The following DNAJC11 variants were observed in gnomAD, a reference collection of about 807,000 sequenced individuals.
DNAJC11 encodes the protein dnaJ homolog subfamily C member 11.
In DNAJC11, 15 loss-of-function variants were observed where a neutral mutation model predicts 78.6. The observed-to-expected ratio is 0.19, with a 90% confidence interval of 0.13 to 0.29. The LOEUF is 0.29. Ranked by LOEUF, DNAJC11 falls within the 10% of genes least tolerant of loss-of-function variation. DNAJC11 has a pLI of 1.00. For synonymous variants in DNAJC11, 292 were observed against 272.1 expected (o/e 1.07, Z -0.72); for missense variants, 547 against 709.6 (o/e 0.77, Z 2.60).
chr1:6,643,277 ATTTTTTTT>A (rs60341247), intron 10 of DNAJC11, among the ~76,000 whole-genome samples: 1 of 138,226 alleles, frequency 7.2e-6, no homozygotes, highest in Non-Finnish European at 1.6e-5. Context: ...GAAAACAGAC[ATTTTTTTT>A]TTTTTTTTTG....
chr1:6,661,426 A>AG (rs1197271851), intron 4 of DNAJC11, among the ~76,000 whole-genome samples: 2 of 152,296 alleles, frequency 1.3e-5, no homozygotes, highest in East Asian at 3.9e-4. Flanking sequence ...TGCTGACATG[A>AG]GGGGGTGAAA....
rs1641707116 is a variant in DNAJC11, at chr1:6,634,171, G to C, written c.*1504C>G. The C allele has an allele frequency of 4.5e-6, 6 of 1,321,240 alleles. No individual in the cohort carries two copies. Among genetic ancestry groups the C allele is most frequent in the Non-Finnish European group, 6.4e-6 (6 of 931,348 alleles). 81.8% of individuals were successfully genotyped at this position (1,321,240 alleles called of 1,614,324 possible). A position where few individuals can be genotyped will look rare whatever the true frequency, so the allele number is the denominator to read the frequency against. The stretch of plus-strand genomic sequence containing the variant: ...AATACACGGAAGAGCGCCAGCCTCT[G>C]CTTTCAGGAAAGGTTTATTGTGGTG... On this transcript the variant is annotated 3_prime_UTR_variant, in exon 16 of 16. Coordinates refer to ENST00000377577, the MANE Select transcript of DNAJC11 (RefSeq NM_018198.4).
At chr1:6,699,319 T>G (rs1393029784) in intron 1 of DNAJC11, among the ~76,000 whole-genome samples, 1 of 152,090 alleles carries the variant, frequency 6.6e-6, no homozygotes, top group Non-Finnish European at 1.5e-5. Context: ...CAAAATTTCT[T>G]TGGCTCCCAT....
At chr1:6,665,665 T>A (rs1200727450) in intron 4 of DNAJC11, among the ~76,000 whole-genome samples, 1 of 152,188 alleles carries the variant, frequency 6.6e-6, no homozygotes, top group African/African-American at 2.4e-5. Context: ...AAACATGGCC[T>A]GCAGACACAT....
chr1:6,638,098 C>T (rs1641815148), intron 12 of DNAJC11, 197 bp downstream of exon 12: 2 of 494,268 alleles, frequency 4.0e-6, no homozygotes, highest in African/African-American at 3.9e-5. Flanking sequence ...TAAAAAAGCC[C>T]TTGTTAGGCC....
chr1:6,654,068 A>AACTG (rs1341796027), intron 4 of DNAJC11, 29 bp from the exon 5 acceptor site: 1 of 1,608,428 alleles, frequency 6.2e-7, no homozygotes, highest in Non-Finnish European at 8.5e-7. Flanking sequence ...CCGTCAGCAG[A>AACTG]ACGGGTGGTA....
intron 7 of DNAJC11, chr1:6,651,149 A>G (rs748909182): frequency 1.3e-5 from 7 of 541,740 alleles, no homozygotes; most frequent in East Asian, 1.1e-4. Flanking sequence ...GCATATGTCA[A>G]TCAACCCGAT....
In DNAJC11 at chr1:6,635,563, T is replaced by C. The variant is rs1244526686; in HGVS notation, c.*112A>G. Reference sequence around the variant, plus strand: ...TAATTGATAATGGTACCACCTTCTATAATAATAATATAAAATAAAAACATC... The same window carrying C: ...TAATTGATAATGGTACCACCTTCTACAATAATAATATAAAATAAAAACATC... On this transcript the variant is annotated 3_prime_UTR_variant, in exon 16 of 16. Coordinates refer to ENST00000377577, the MANE Select transcript of DNAJC11 (RefSeq NM_018198.4). The C allele has an allele frequency of 2.6e-6, 3 of 1,151,696 alleles. No individual in the cohort carries two copies. In the African/African-American group the frequency reaches 4.7e-5, roughly 18 times the overall value. 71.3% of individuals were successfully genotyped at this position (1,151,696 alleles called of 1,614,324 possible). A position where few individuals can be genotyped will look rare whatever the true frequency, so the allele number is the denominator to read the frequency against.
chr1:6,679,292 C>A (rs2147878168), intron 2 of DNAJC11, among the ~76,000 whole-genome samples: 1 of 152,244 alleles, frequency 6.6e-6, no homozygotes, highest in South Asian at 2.1e-4. Flanking sequence ...TTCTTTTGTG[C>A]ACTTCTCCTC....
At chr1:6,687,506 G>A (rs1290082616) in intron 1 of DNAJC11, among the ~76,000 whole-genome samples, 3 of 151,918 alleles carry the variant, frequency 2.0e-5, no homozygotes, top group African/African-American at 7.3e-5. Context: ...ACAGGTGCCC[G>A]CCACCATGCC....
intron 3 of DNAJC11, among the ~76,000 whole-genome samples, chr1:6,673,065 G>A (rs920293968): frequency 2.0e-5 from 3 of 151,764 alleles, no homozygotes; most frequent in African/African-American, 4.8e-5. Flanking sequence ...GCATGGTGGC[G>A]GGCGCCCATA....
At chr1:6,642,786 C>T (rs1253205008) in intron 10 of DNAJC11, among the ~76,000 whole-genome samples, 3 of 152,130 alleles carry the variant, frequency 2.0e-5, no homozygotes, top group African/African-American at 4.8e-5. Context: ...TGTTTGGATA[C>T]GTGACATCTG....
At chr1:6,695,809 A>G (rs1382097524) in intron 1 of DNAJC11, among the ~76,000 whole-genome samples, 1 of 147,972 alleles carries the variant, frequency 6.8e-6, no homozygotes, top group African/African-American at 2.5e-5. Context: ...CTCCATCTCA[A>G]AAAAAAAAAA....
chr1:6,646,415 C>T (rs76858288), intron 7 of DNAJC11, among the ~76,000 whole-genome samples: 240 of 152,288 alleles, frequency 1.6e-3, no homozygotes, highest in African/African-American at 5.4e-3. Context: ...GCTTCTTCGC[C>T]GGCATGCTGA....
intron 3 of DNAJC11, among the ~76,000 whole-genome samples, chr1:6,669,443 G>A (rs1315337020): frequency 4.6e-5 from 7 of 151,590 alleles, no homozygotes; most frequent in Non-Finnish European, 8.8e-5. Flanking sequence ...CCCGGCAGGC[G>A]GAGTTTGCAG....
intron 11 of DNAJC11, among the ~76,000 whole-genome samples, chr1:6,639,052 G>A (rs1641832241): frequency 6.6e-6 from 1 of 152,168 alleles, no homozygotes; most frequent in South Asian, 2.1e-4. Context: ...TTCTCTAAGT[G>A]CAATGCTTTA....
rs1641724216 is a variant in DNAJC11 at position 6,634,751 on chromosome 1, C to T, written c.*924G>A. ...AGGCCCTGGTGTTCCTGTGAGGACG[C>T]TGGACCTGCAGGAGCGGGGAGCTGC... On this transcript the variant is annotated 3_prime_UTR_variant, in exon 16 of 16. Transcript: ENST00000377577. 1.5e-6 allele frequency: 2 copies of T among 1,346,782 alleles called. No individual in the cohort carries two copies. The highest frequency in any genetic ancestry group is 9.9e-7 in the Non-Finnish European group (1 of 1,011,582). 83.4% of individuals were successfully genotyped at this position (1,346,782 alleles called of 1,614,324 possible).
Position 6,635,107 on chromosome 1 carries a change from A to G in DNAJC11, c.*568T>C, listed in dbSNP as rs1641736752. 1 of 176,630 alleles carries G rather than the reference A, an allele frequency of 5.7e-6. No homozygotes were observed. The highest frequency in any genetic ancestry group is 5.5e-5 in the Admixed American group (1 of 18,166). The allele number at this position is 176,630 out of a possible 1,614,324, so 10.9% of individuals were successfully genotyped here. ...GGGGAAAAAAGACGACTAATTTCCAAACCCGTTTGTTCTCAGATAAAAAGC... is the reference window on the plus strand; with the variant it reads ...GGGGAAAAAAGACGACTAATTTCCAGACCCGTTTGTTCTCAGATAAAAAGC... On this transcript the variant is annotated 3_prime_UTR_variant, in exon 16 of 16. Transcript: ENST00000377577.
chr1:6,688,944 A>G (rs1331053912), intron 1 of DNAJC11, among the ~76,000 whole-genome samples: 1 of 152,230 alleles, frequency 6.6e-6, no homozygotes, highest in African/African-American at 2.4e-5. Context: ...ATGGTGACTC[A>G]GACAGCCACG....
Sources: allele counts gnomAD v4.1 joint callset (sites outside exome capture counted in the v4.1 genomes callset), GRCh38; gene constraint gnomAD v4.1.1; transcripts MANE v1.5; gene names NCBI Gene and HGNC (gene_info 2026-07-23, HGNC 2026-07-21).